Variants in DYNC2H1 observed in about 807,000 individuals in gnomAD.
DYNC2H1 encodes the protein dynein cytoplasmic 2 heavy chain 1.
DYNC2H1 carries 410 observed loss-of-function variants against 570.0 expected under a neutral mutation model. The ratio of observed to expected loss-of-function variants is 0.72; its 90% CI spans 0.66 to 0.78. The LOEUF (loss-of-function observed/expected upper bound fraction) is 0.78, where lower values mean the gene tolerates loss of function less well. Among genes scored for constraint, DYNC2H1 ranks in the 30% least tolerant of loss-of-function variants. DYNC2H1 has a pLI of 0.00. For synonymous variants in DYNC2H1, 1,688 were observed against 1,677.6 expected, an observed-to-expected ratio of 1.01 and a Z score of -0.15; for missense variants, 4,865 against 5,046.4, an observed-to-expected ratio of 0.96 and a Z score of 1.09.
chr11:103,165,814 GAAA>G, intron 30 of DYNC2H1, 81 bp from the exon 31 acceptor site: 2 of 1,172,292 alleles, frequency 1.7e-6, no homozygotes, highest in East Asian at 5.7e-5. Context: ...TTGGCTATTT[GAAA>G]AAAGGTGCCT....
rs915886710 is a variant in DYNC2H1 at position 103,261,595 on chromosome 11, C to T, written c.10695+1618C>T. Among the ~76,000 whole-genome samples, 1 of 152,166 alleles carries T rather than the reference C, an allele frequency of 6.6e-6. No homozygotes were observed. Among genetic ancestry groups the T allele is most frequent in the African/African-American group, 2.4e-5 (1 of 41,422 alleles). On this transcript the variant is annotated intron_variant, in intron 70 of 88. Transcript: ENST00000375735. This position sits in a 1 kb window ranked among gnomAD's most constrained non-coding sequence, Gnocchi z 4.8. Reference sequence around the variant, plus strand: ...CCTCCTGCAAAGTCCAGCAGACCTGCAGCAGAGGGGCCTGACTGTTAGAAG... The same window carrying T: ...CCTCCTGCAAAGTCCAGCAGACCTGTAGCAGAGGGGCCTGACTGTTAGAAG...
Position 103,203,857 on chromosome 11 carries a change from T to C in DYNC2H1, c.8311+81T>C, listed in dbSNP as rs922846696. ...CATTTAATTTGCCTTATTTTGTCAT[T>C]AGATTGCAAAGGTATCTTAAATCTT... is the stretch of plus-strand genomic sequence containing the variant. On this transcript the variant is annotated intron_variant, in intron 51 of 88. Coordinates refer to ENST00000375735, the MANE Select transcript of DYNC2H1 (RefSeq NM_001377.3). The surrounding 1 kb of genome is among the most constrained non-coding windows in gnomAD (Gnocchi z 4.7). 1.0e-6 allele frequency: 1 copy of C among 956,892 alleles called. No individual in the cohort carries two copies. Among genetic ancestry groups the C allele is most frequent in the African/African-American group, 1.7e-5 (1 of 59,992 alleles). 59.3% of individuals were successfully genotyped at this position (956,892 alleles called of 1,614,324 possible). A position where few individuals can be genotyped will look rare whatever the true frequency, so the allele number is the denominator to read the frequency against.
rs1866089047 is a variant in DYNC2H1 at position 103,280,524 on chromosome 11, T to C, written c.10761+111T>C. The C allele has an allele frequency of 1.0e-6, 1 of 959,772 alleles. No individual in the cohort carries two copies. The highest frequency in any genetic ancestry group is 1.6e-6 in the Non-Finnish European group (1 of 633,626). The allele number at this position is 959,772 out of a possible 1,614,324, so 59.5% of individuals were successfully genotyped here. A position where few individuals can be genotyped will look rare whatever the true frequency, so the allele number is the denominator to read the frequency against. ...GGCTAGAAATTATATATCAACCTATTAATCTTTTACTAAGTTAGAAATGTA... is the reference window on the plus strand; with the variant it reads ...GGCTAGAAATTATATATCAACCTATCAATCTTTTACTAAGTTAGAAATGTA... On this transcript the variant is annotated intron_variant, in intron 71 of 88. Transcript: ENST00000375735. The surrounding 1 kb of genome is among the most constrained non-coding windows in gnomAD (Gnocchi z 4.7).
chr11:103,380,360 T>C (rs1941590221), intron 83 of DYNC2H1, among the ~76,000 whole-genome samples: 1 of 152,182 alleles, frequency 6.6e-6, no homozygotes, highest in Non-Finnish European at 1.5e-5. Flanking sequence ...ATTAAATATC[T>C]ATTGAGGAAC....
Position 103,202,294 on chromosome 11 carries a change from ATTT to A in DYNC2H1, c.8198-1353_8198-1351del, listed in dbSNP as rs10635156. On this transcript the variant is annotated intron_variant, in intron 50 of 88. Coordinates refer to ENST00000375735, the MANE Select transcript of DYNC2H1 (RefSeq NM_001377.3). Reference sequence around the variant, plus strand: ...TTGGCTGATGAGACCAGAAACACAGATTTTTTTTTTTTTTTTTTGGAAAGCAAA... The same window carrying A: ...TTGGCTGATGAGACCAGAAACACAGATTTTTTTTTTTTTTTGGAAAGCAAA... Among the ~76,000 whole-genome samples the A allele has an allele frequency of 6.0e-5, 8 of 132,716 alleles. No individual in the cohort carries two copies. The South Asian group carries it at 7.2e-4, about 12-fold the overall frequency. The allele number at this position is 132,716 out of a possible 152,430, so 87.1% of individuals were successfully genotyped here.
rs761576730 is a variant in DYNC2H1, at chr11:103,439,353, A to T, written c.12456+3321A>T. On this transcript the variant is annotated intron_variant, in intron 85 of 88. Transcript: ENST00000375735. This position sits in a 1 kb window ranked among gnomAD's most constrained non-coding sequence, Gnocchi z 4.1. ...AAAGTTATTGAAATTTTGTAAAAAA[A>T]ATTAATAAAAAGTAAGCATTGTGGT... Among the ~76,000 whole-genome samples the T allele has an allele frequency of 2.6e-5, 4 of 152,160 alleles. No individual in the cohort carries two copies. The highest frequency in any genetic ancestry group is 5.9e-5 in the Non-Finnish European group (4 of 68,038).
At chr11:103,142,127 T>C (rs1218838594) in intron 17 of DYNC2H1, among the ~76,000 whole-genome samples, 2 of 152,202 alleles carry the variant, frequency 1.3e-5, no homozygotes, top group Non-Finnish European at 2.9e-5. Flanking sequence ...TTTCTTTGAC[T>C]AGGAAAGGGA....
At chr11:103,401,395 T>A (rs1942636045) in intron 84 of DYNC2H1, among the ~76,000 whole-genome samples, 1 of 152,124 alleles carries the variant, frequency 6.6e-6, no homozygotes, top group Admixed American at 6.6e-5. Context: ...GAAGATGACA[T>A]GTAGAAGAGA....
chr11:103,477,416 T>C (rs1945588744), intron 88 of DYNC2H1, among the ~76,000 whole-genome samples: 1 of 152,190 alleles, frequency 6.6e-6, no homozygotes. Context: ...AATAAAATCA[T>C]ATAAATTCAG....
rs1390478600 is a variant in DYNC2H1 at position 103,325,745 on chromosome 11, C to T, written c.12039+1755C>T. 6.6e-6 allele frequency among the ~76,000 whole-genome samples: 1 copy of T among 152,046 alleles called. No homozygotes were observed. Among genetic ancestry groups the T allele is most frequent in the Admixed American group, 6.6e-5 (1 of 15,260 alleles). The stretch of plus-strand genomic sequence containing the variant: ...GCTCTTGGATTGATTTACTGGATAC[C>T]TTGGATTCTTTGGATCGGATTTCAA... On this transcript the variant is annotated intron_variant, in intron 82 of 88. Coordinates refer to ENST00000375735, the MANE Select transcript of DYNC2H1 (RefSeq NM_001377.3). The surrounding 1 kb of genome is among the most constrained non-coding windows in gnomAD (Gnocchi z 4.8).
At chr11:103,441,354 G>A (rs140137009) in intron 85 of DYNC2H1, among the ~76,000 whole-genome samples, 1,491 of 146,448 alleles carry the variant, frequency 0.01, 24 homozygotes, top group African/African-American at 0.035. Flanking sequence ...TGTAACCCCC[G>A]CACTCCCCCC....
At chr11:103,390,903 GACCTTTCTCTCTGGCTGCCCTT>G (rs1441619573) in intron 83 of DYNC2H1, among the ~76,000 whole-genome samples, 10 of 152,276 alleles carry the variant, frequency 6.6e-5, no homozygotes, top group African/African-American at 2.4e-4. Context: ...TGGGTAACCC[GACCTTTCTCTCTGGCTGCCCTT>G]ACCATTTTTT....
intron 84 of DYNC2H1, chr11:103,403,698 C>G (rs186212146): frequency 1.3e-5 from 2 of 152,010 alleles, no homozygotes. Flanking sequence ...GAGTGTAGGA[C>G]GTCTTCGGAT....
intron 84 of DYNC2H1, chr11:103,403,986 G>A (rs939982881): frequency 1.1e-4 from 16 of 152,032 alleles, no homozygotes; most frequent in Middle Eastern, 3.4e-3. Context: ...AGACAGTCTC[G>A]ATTTCTTGGG....
chr11:103,142,621 A>T (rs1257684385), intron 17 of DYNC2H1, among the ~76,000 whole-genome samples: 2 of 152,188 alleles, frequency 1.3e-5, no homozygotes, highest in East Asian at 1.9e-4. Flanking sequence ...GTGAGCTTAG[A>T]TCGCACCACT....
intron 82 of DYNC2H1, among the ~76,000 whole-genome samples, chr11:103,336,475 T>C (rs187028048): frequency 2.3e-4 from 33 of 143,842 alleles, no homozygotes; most frequent in African/African-American, 7.8e-4. Flanking sequence ...ACCCTTCCTA[T>C]CCTCTGGTAA....
At chr11:103,127,944 C>G (rs1859079794) in intron 12 of DYNC2H1, among the ~76,000 whole-genome samples, 1 of 152,122 alleles carries the variant, frequency 6.6e-6, no homozygotes, top group Non-Finnish European at 1.5e-5. Context: ...ACAAAGACTG[C>G]TATTTCATAC....
At chr11:103,258,990 C>T (rs1490936356) in intron 69 of DYNC2H1, among the ~76,000 whole-genome samples, 1 of 152,182 alleles carries the variant, frequency 6.6e-6, no homozygotes, top group African/African-American at 2.4e-5. Context: ...CATGCTACTA[C>T]AAGGCTAGAA....
At chr11:103,286,123 C>A in intron 73 of DYNC2H1, 132 bp from the exon 74 acceptor site, 2 of 1,219,264 alleles carry the variant, frequency 1.6e-6, no homozygotes, top group Non-Finnish European at 2.3e-6. Context: ...AATAATTAGA[C>A]AAGGCAACAC....
Sources: gnomAD v4.1 joint callset for allele counts (sites outside exome capture counted in the v4.1 genomes callset) on GRCh38, gnomAD v4.1.1 for gene constraint, Gnocchi (gnomAD v3.1) non-coding constraint, MANE v1.5 for transcripts, NCBI Gene and HGNC (gene_info 2026-07-23, HGNC 2026-07-21) for gene names.